Variants in MPDZ observed in about 807,000 individuals in gnomAD.
MPDZ encodes multiple PDZ domain crumbs cell polarity complex component.
In MPDZ, 234 loss-of-function variants were observed where a neutral mutation model predicts 239.1. The observed-to-expected ratio is 0.98, with a 90% CI of 0.88 to 1.09. MPDZ has a LOEUF of 1.09. Among genes scored for constraint, MPDZ ranks in the 50% least tolerant of loss-of-function variants. The pLI is 0.00. For missense variants in MPDZ, 3,175 were observed against 2,510.0 expected (o/e 1.26, Z -5.66); for synonymous variants, 1,048 against 881.3 (o/e 1.19, Z -3.35).
At chr9:13,125,141 G>A (rs1944932750) in intron 35 of MPDZ, 75 bp downstream of exon 35, 5 of 1,365,984 alleles carry the variant, frequency 3.7e-6, no homozygotes, top group Non-Finnish European at 4.9e-6. Context: ...TAGGCAGCTG[G>A]CTCCCAAGCA....
chr9:13,229,968 T>C (rs970145483), intron 3 of MPDZ, among the ~76,000 whole-genome samples: 1 of 151,692 alleles, frequency 6.6e-6, no homozygotes, highest in Non-Finnish European at 1.5e-5. Flanking sequence ...ATATCTAGAA[T>C]ATATAAAGAA....
rs1175875503 is a variant in MPDZ at position 13,119,483 on chromosome 9, T to A, written c.5379+19A>T. ...TTTCTTCTACGCTATTACACAGAAT[T>A]ATTTTTTGCATTTTTTACCTTTAGC... On this transcript the variant is annotated intron_variant, in intron 39 of 46. Coordinates refer to ENST00000319217, the MANE Select transcript of MPDZ (RefSeq NM_001378778.1). 6.2e-7 allele frequency: 1 copy of A among 1,604,474 alleles called. No individual in the cohort carries two copies. The highest frequency in any genetic ancestry group is 1.7e-5 in the Admixed American group (1 of 58,240).
At chr9:13,135,172 T>C (rs961047243) in intron 31 of MPDZ, 1 of 152,256 alleles carries the variant, frequency 6.6e-6, no homozygotes, top group African/African-American at 2.4e-5. Context: ...TTCTGTATTT[T>C]CTATTCAGTA....
At chr9:13,150,716 T>G in intron 24 of MPDZ, 28 bp from the exon 25 acceptor site, 1 of 1,290,942 alleles carries the variant, frequency 7.7e-7, no homozygotes, top group Non-Finnish European at 9.9e-7. Flanking sequence ...TTTTCAACTC[T>G]TAGGAAAAAT....
At chr9:13,138,673 C>T (rs1947202742) in intron 28 of MPDZ, among the ~76,000 whole-genome samples, 1 of 152,142 alleles carries the variant, frequency 6.6e-6, no homozygotes, top group South Asian at 2.1e-4. Context: ...ATATATGTAA[C>T]CCAGTTTTGG....
chr9:13,263,057 G>A (rs547384395), intron 1 of MPDZ, among the ~76,000 whole-genome samples: 44 of 152,072 alleles, frequency 2.9e-4, no homozygotes, highest in African/African-American at 9.6e-4. Context: ...TTTTTATAAT[G>A]GTTTTAAATT....
intron 21 of MPDZ, among the ~76,000 whole-genome samples, chr9:13,175,034 A>T (rs1952275776): frequency 6.6e-6 from 1 of 152,056 alleles, no homozygotes; most frequent in African/African-American, 2.4e-5. Context: ...TGCTGAATTA[A>T]CCAGAGTCTT....
At chr9:13,197,609 G>T (rs1279732766) in intron 12 of MPDZ, among the ~76,000 whole-genome samples, 1 of 152,064 alleles carries the variant, frequency 6.6e-6, no homozygotes, top group African/African-American at 2.4e-5. Context: ...TTTTGTGTGT[G>T]TTGGGAACAT....
intron 24 of MPDZ, among the ~76,000 whole-genome samples, chr9:13,157,114 T>A (rs1403912386): frequency 2.0e-5 from 3 of 152,182 alleles, no homozygotes; most frequent in Non-Finnish European, 4.4e-5. Context: ...GTCATTAAAT[T>A]GCACTGGCAT....
chr9:13,239,666 C>A (rs1219445889), intron 3 of MPDZ, among the ~76,000 whole-genome samples: 1 of 152,084 alleles, frequency 6.6e-6, no homozygotes, highest in African/African-American at 2.4e-5. Flanking sequence ...AATACTCATG[C>A]ATTCATTTAT....
Position 13,196,138 on chromosome 9 carries a change from T to C in MPDZ, c.1639A>G (p.Ile547Val). Residue 547 changes from isoleucine (I) to valine (V), a missense_variant, in exon 13 of 47, where the codon ATT (isoleucine) becomes GTT (valine). Coordinates refer to ENST00000319217, the MANE Select transcript of MPDZ (RefSeq NM_001378778.1). Reference protein sequence around the residue: ...LLTKWQRIMGINYEIVVAHVS... With the variant: ...LLTKWQRIMGVNYEIVVAHVS... ...TAACCTACCACTATTTCATAGTTAATTCCCATAATCCTTTGCCATTTTGTC... is the reference window on the plus strand; with the variant it reads ...TAACCTACCACTATTTCATAGTTAACTCCCATAATCCTTTGCCATTTTGTC... 2 of 1,598,362 alleles carry C rather than the reference T, an allele frequency of 1.3e-6. No individual in the cohort carries two copies. Among genetic ancestry groups the C allele is most frequent in the South Asian group, 1.1e-5 (1 of 88,402 alleles).
Position 13,247,719 on chromosome 9 carries a change from C to G in MPDZ, c.99G>C (p.Leu33=). 3 of 1,613,616 alleles carry G rather than the reference C, an allele frequency of 1.9e-6. No individual in the cohort carries two copies. Among genetic ancestry groups the G allele is most frequent in the Non-Finnish European group, 1.7e-6 (2 of 1,179,696 alleles). The change falls in exon 3 of 47, where the codon CTG becomes CTC. Residue 33 remains leucine (L), a synonymous_variant. Transcript: ENST00000319217. The part of the protein sequence containing the change: ...ERGDVANEDK[L]SLLKSVLQSP... Reference sequence around the variant, plus strand: ...TCTGCAGGACTGACTTCAGAAGGCTCAGTTTGTCTTCATTTGCTACATCCC... The same window carrying G: ...TCTGCAGGACTGACTTCAGAAGGCTGAGTTTGTCTTCATTTGCTACATCCC...
intron 3 of MPDZ, among the ~76,000 whole-genome samples, chr9:13,230,171 T>C (rs1040773291): frequency 1.5e-4 from 23 of 152,136 alleles, no homozygotes; most frequent in African/African-American, 5.6e-4. Context: ...GGTGAGGATG[T>C]AGAGAAGCTG....
At chr9:13,236,249 G>C (rs11792384) in intron 3 of MPDZ, among the ~76,000 whole-genome samples, 3 of 35,850 alleles carry the variant, frequency 8.4e-5, no homozygotes, top group African/African-American at 3.5e-4. Flanking sequence ...GTGTGTGTGT[G>C]TATATATATA....
chr9:13,126,027 G>A (rs1945057804), intron 34 of MPDZ, among the ~76,000 whole-genome samples: 1 of 152,054 alleles, frequency 6.6e-6, no homozygotes, highest in Non-Finnish European at 1.5e-5. Flanking sequence ...CTTTTTTCTG[G>A]CACTAATAAA....
chr9:13,232,529 C>T (rs777100691), intron 3 of MPDZ, among the ~76,000 whole-genome samples: 1 of 151,784 alleles, frequency 6.6e-6, no homozygotes, highest in Non-Finnish European at 1.5e-5. Flanking sequence ...CTACCTCACA[C>T]CACATTCAAA....
intron 17 of MPDZ, 87 bp from the exon 18 acceptor site, chr9:13,186,473 T>G: frequency 1.1e-6 from 1 of 912,508 alleles, no homozygotes; most frequent in Non-Finnish European, 1.7e-6. Context: ...GTAGGAAAAG[T>G]GAGGGGGGCG....
intron 27 of MPDZ, 79 bp from the exon 28 acceptor site, chr9:13,140,228 G>T: frequency 1.4e-6 from 2 of 1,416,894 alleles, no homozygotes; most frequent in South Asian, 2.9e-5. Context: ...AGAGTATACT[G>T]TCAAAAACAA....
intron 2 of MPDZ, among the ~76,000 whole-genome samples, chr9:13,249,442 G>C (rs1356861457): frequency 6.6e-6 from 1 of 152,070 alleles, no homozygotes. Context: ...TGAAGGAAAT[G>C]TACATACGTA....
Sources: gnomAD v4.1 joint callset for allele counts (sites outside exome capture counted in the v4.1 genomes callset) on GRCh38, gnomAD v4.1.1 for gene constraint, MANE v1.5 for transcripts, NCBI Gene and HGNC (gene_info 2026-07-23, HGNC 2026-07-21) for gene names.